The following PCLO variants were observed in gnomAD, a reference collection of about 807,000 sequenced individuals.
The protein encoded by PCLO is piccolo presynaptic cytomatrix protein.
Under a neutral mutation model 427.5 loss-of-function variants are expected in PCLO, and 82 were observed. The ratio of observed to expected loss-of-function variants is 0.19; its 90% CI spans 0.16 to 0.23. The LOEUF (loss-of-function observed/expected upper bound fraction) is 0.23, where lower values mean the gene tolerates loss of function less well. PCLO is among the 10% of genes least tolerant of loss of function. The pLI, the probability that PCLO is intolerant of heterozygous loss-of-function variation, is 1.00. For missense variants in PCLO, 6,239 were observed against 6,115.9 expected (o/e 1.02, Z -0.67); for synonymous variants, 2,357 against 2,155.4 (o/e 1.09, Z -2.59).
intron 10 of PCLO, among the ~76,000 whole-genome samples, chr7:82,876,766 A>G (rs969488926): frequency 6.6e-6 from 1 of 152,102 alleles, no homozygotes; most frequent in African/African-American, 2.4e-5. Context: ...AATCTAATAG[A>G]AATATTAACA....
At chr7:82,772,358 T>G (rs926966603) in intron 22 of PCLO, among the ~76,000 whole-genome samples, 1 of 152,288 alleles carries the variant, frequency 6.6e-6, no homozygotes, top group Non-Finnish European at 1.5e-5. Context: ...ATTTCATTTT[T>G]ATTTATATGT....
chr7:83,056,430 T>C (rs887149515), intron 3 of PCLO, among the ~76,000 whole-genome samples: 2 of 152,186 alleles, frequency 1.3e-5, no homozygotes, highest in African/African-American at 4.8e-5. Flanking sequence ...TTATATATAA[T>C]TGCCCTAGAT....
intron 22 of PCLO, among the ~76,000 whole-genome samples, chr7:82,786,925 C>T (rs1282251497): frequency 1.3e-5 from 2 of 151,964 alleles, no homozygotes; most frequent in Non-Finnish European, 2.9e-5. Flanking sequence ...TGAACTCATC[C>T]TTTTTTATGG....
intron 3 of PCLO, among the ~76,000 whole-genome samples, chr7:83,070,351 G>A (rs1789780040): frequency 6.6e-6 from 1 of 151,964 alleles, no homozygotes; most frequent in Admixed American, 6.6e-5. Context: ...TCAATAACTG[G>A]GGAAAGTAAT....
intron 23 of PCLO, 69 bp from the exon 24 acceptor site, chr7:82,760,853 G>C: frequency 7.4e-6 from 5 of 672,898 alleles, no homozygotes; most frequent in Non-Finnish European, 1.1e-5. Context: ...AATTATAACT[G>C]TATACTGAGA....
At chr7:83,036,295 G>A (rs562132803) in intron 3 of PCLO, among the ~76,000 whole-genome samples, 48 of 152,250 alleles carry the variant, frequency 3.2e-4, no homozygotes, top group African/African-American at 8.4e-4. Context: ...CGGTTAGTAG[G>A]TCTGGGTGGG....
intron 8 of PCLO, among the ~76,000 whole-genome samples, chr7:82,907,842 T>G (rs1794227266): frequency 6.6e-6 from 1 of 151,998 alleles, no homozygotes; most frequent in African/African-American, 2.4e-5. Context: ...CCATGAAAAC[T>G]TAAATTGCTT....
At chr7:83,090,268 T>C (rs778302418) in intron 3 of PCLO, among the ~76,000 whole-genome samples, 2 of 152,158 alleles carry the variant, frequency 1.3e-5, no homozygotes, top group Non-Finnish European at 2.9e-5. Context: ...TGTAAACTAA[T>C]GCAATTTACT....
chr7:82,760,439 G>C (rs1583943700), intron 24 of PCLO, among the ~76,000 whole-genome samples, 200 bp downstream of exon 24: 1 of 152,072 alleles, frequency 6.6e-6, no homozygotes, highest in East Asian at 1.9e-4. Context: ...AGACAGGGTA[G>C]AGAAGGCTTG....
At chr7:82,758,761 T>C (rs1226592335) in intron 24 of PCLO, 46 bp from the exon 25 acceptor site, 3 of 1,168,980 alleles carry the variant, frequency 2.6e-6, no homozygotes, top group Non-Finnish European at 2.5e-6. Flanking sequence ...TATACACATA[T>C]ACATGTGTAT....
chr7:83,162,414 A>G lies in PCLO; in HGVS notation c.179T>C (p.Met60Thr), dbSNP rs1792465847. 6.3e-7 allele frequency: 1 copy of G among 1,598,218 alleles called. No individual in the cohort carries two copies. Residue 60 changes from methionine to threonine, a missense_variant, in exon 1 of 25, where the codon ATG becomes ACG. By Grantham distance (81) the Met-to-Thr change is moderately conservative (BLOSUM62 -1). This residue lies in a region of PCLO where 4,677 missense variants were observed against 4,468.4 expected (regional missense o/e 1.05). Transcript: ENST00000333891. ...CTTGGGCAGCCCCTGCGCCCTTGAC[A>G]TGACAGCGGCGATCTGTCTCCTCTC... ...EEERRQIAAV[M>T]SRAQGLPKGS... is the part of the protein sequence containing the mutation.
chr7:82,956,885 G>A lies in PCLO; in HGVS notation c.4068C>T (p.Ser1356=), dbSNP rs775717398. The part of the protein sequence containing the change: ...SDTSSSQQPK[S]PQGLSDTGYS... ...ATCCCGTGTCGCTCAGACCTTGGGGGCTTTTAGGCTGCTGAGAACTTGAGG... is the reference window on the plus strand; with the variant it reads ...ATCCCGTGTCGCTCAGACCTTGGGGACTTTTAGGCTGCTGAGAACTTGAGG... Residue 1356 remains serine, a synonymous_variant, in exon 5 of 25, where the codon AGC becomes AGT. Transcript: ENST00000333891. 5 of 1,612,848 alleles carry A rather than the reference G, an allele frequency of 3.1e-6. No individual in the cohort carries two copies. The highest frequency in any genetic ancestry group is 4.2e-6 in the Non-Finnish European group (5 of 1,179,486).
intron 19 of PCLO, 35 bp downstream of exon 19, chr7:82,824,201 A>T: frequency 6.8e-7 from 1 of 1,472,448 alleles, no homozygotes; most frequent in Non-Finnish European, 9.2e-7. Context: ...ACAAATAGAC[A>T]CAAAACTTTT....
chr7:82,794,926 GGTTT>G (rs1385551510), intron 22 of PCLO, among the ~76,000 whole-genome samples: 5 of 151,562 alleles, frequency 3.3e-5, no homozygotes, highest in Non-Finnish European at 4.4e-5. Flanking sequence ...TTTTATTTTT[GGTTT>G]ATTTTACTAT....
rs368623048 is a variant in PCLO, at chr7:82,760,774, C to A, written c.15153G>T (p.Val5051=). The A allele has an allele frequency of 4.8e-6, 7 of 1,446,638 alleles. No homozygotes were observed. The African/African-American group carries it at 8.6e-5, about 18-fold the overall frequency. The allele number at this position is 1,446,638 out of a possible 1,614,324, so 89.6% of individuals were successfully genotyped here. The change falls in exon 24 of 25, where the codon GTG becomes GTT. Residue 5051 remains valine (V), a synonymous_variant. Transcript: ENST00000333891. ...TAGAAATATTCATCACATATATTTT[C>A]ACATATAAATCTGAAAATAAGAATT... is the stretch of plus-strand genomic sequence containing the variant. ...KSPDHLPDLY[V]KIYVMNISTQ...
intron 3 of PCLO, among the ~76,000 whole-genome samples, chr7:83,034,426 C>T (rs1185561997): frequency 1.3e-5 from 2 of 152,152 alleles, no homozygotes; most frequent in African/African-American, 2.4e-5. Flanking sequence ...TGGCCTCAAG[C>T]GATCTGCTTG....
chr7:83,152,176 G>T (rs1242195294), intron 2 of PCLO, among the ~76,000 whole-genome samples: 1 of 151,902 alleles, frequency 6.6e-6, no homozygotes, highest in Non-Finnish European at 1.5e-5. Flanking sequence ...GTGTTAGCCA[G>T]GATGGTCTCA....
At chr7:83,011,945 T>G (rs1000713780) in intron 3 of PCLO, among the ~76,000 whole-genome samples, 1 of 152,180 alleles carries the variant, frequency 6.6e-6, no homozygotes, top group Admixed American at 6.5e-5. Context: ...GATGAGTATA[T>G]AATATCTTTT....
In PCLO at chr7:82,951,290, T is replaced by C. The variant is rs775181689; in HGVS notation, c.9298A>G (p.Thr3100Ala). The change falls in exon 6 of 25, where the codon ACA becomes GCA. Residue 3100 changes from threonine to alanine, a missense_variant. Coordinates refer to ENST00000333891, the MANE Select transcript of PCLO (RefSeq NM_033026.6). ...CCAGGTTGTGTGGTGATAGCAAATG[T>C]AGAGGGTGTTGGAGTTGCTACTGAA... ...YSSVATPTPS[T>A]FAITTQPGSI... 8.1e-6 allele frequency: 13 copies of C among 1,613,198 alleles called. No individual in the cohort carries two copies. In the African/African-American group the frequency reaches 1.2e-4, roughly 15 times the overall value.
Sources: gnomAD v4.1 joint callset for allele counts (sites outside exome capture counted in the v4.1 genomes callset) on GRCh38, gnomAD v4.1.1 for gene constraint, gnomAD v4.1.1 regional missense constraint, MANE v1.5 for transcripts, NCBI Gene and HGNC (gene_info 2026-07-23, HGNC 2026-07-21) for gene names.